ZNF18: variants seen among roughly 807,000 people sequenced by gnomAD.
The protein encoded by ZNF18 is zinc finger protein 18, also known as heart development-specific gene 1 protein.
Under a neutral mutation model 58.1 loss-of-function variants are expected in ZNF18, and 42 were observed. The observed-to-expected ratio is 0.72, with a 90% CI of 0.56 to 0.93. The LOEUF is 0.93. Ranked by LOEUF, ZNF18 falls within the 40% of genes least tolerant of loss-of-function variation. The probability of loss-of-function intolerance (pLI) is 0.00; values close to 1 mark genes in which losing one functional copy is unlikely to be tolerated. For missense variants in ZNF18, 540 were observed against 644.2 expected, an observed-to-expected ratio of 0.84 and a Z score of 1.75; for synonymous variants, 231 against 239.8, an observed-to-expected ratio of 0.96 and a Z score of 0.34.
At chr17:12,011,274 G>A in the ZNF18 span, 15 of 344,064 alleles carry the variant, frequency 4.4e-5, no homozygotes, top group East Asian at 8.0e-4. Flanking sequence ...TATTTTGAAT[G>A]AAACTTTAAA....
At chr17:12,002,863 C>T in the ZNF18 span, among the ~76,000 whole-genome samples, 1 of 152,132 alleles carries the variant, frequency 6.6e-6, no homozygotes, top group Non-Finnish European at 1.5e-5. Context: ...GGAACCTGGG[C>T]ATCAATGGAG....
chr17:11,992,487 G>A lies in ZNF18; in HGVS notation c.343C>T (p.Leu115Phe). 3.7e-6 allele frequency: 6 copies of A among 1,614,142 alleles called. No homozygotes were observed. Among genetic ancestry groups the A allele is most frequent in the Non-Finnish European group, 4.2e-6 (5 of 1,180,012 alleles). ...CPGSGEEAVT[L>F]VESLKGDPQR... ...GGGTCCCCCTTCAAGCTTTCCACAA[G>A]GGTCACTGCCTCTTCTCCACTTCCT... Residue 115 changes from leucine to phenylalanine, a missense_variant, in exon 2 of 7, where the codon CTT (leucine) becomes TTT (phenylalanine). By Grantham distance (22) the Leu-to-Phe change is conservative. Coordinates refer to ENST00000580306, the MANE Select transcript of ZNF18 (RefSeq NM_001303281.2).
At chr17:12,011,776 C>T in the ZNF18 span, among the ~76,000 whole-genome samples, 2 of 147,500 alleles carry the variant, frequency 1.4e-5, no homozygotes, top group African/African-American at 5.0e-5. Context: ...TCTTGGCTCA[C>T]TTCCACCTCT....
At chr17:12,007,907 C>G in the ZNF18 span, among the ~76,000 whole-genome samples, 1 of 151,898 alleles carries the variant, frequency 6.6e-6, no homozygotes, top group Non-Finnish European at 1.5e-5. Context: ...CTGGGGAACA[C>G]AGAGAGAGAA....
chr17:11,987,332 G>A (rs549576808), intron 4 of ZNF18, among the ~76,000 whole-genome samples: 30 of 152,202 alleles, frequency 2.0e-4, no homozygotes, highest in African/African-American at 7.0e-4. Flanking sequence ...TAGTAATACC[G>A]TATCATTATT....
At chr17:12,017,636 G>T in the ZNF18 span, among the ~76,000 whole-genome samples, 1 of 152,162 alleles carries the variant, frequency 6.6e-6, no homozygotes, top group Non-Finnish European at 1.5e-5. Context: ...CCAGCATTTT[G>T]GGAGGCTGAG....
chr17:11,982,816 ATTAT>A (rs1381927637), intron 6 of ZNF18, among the ~76,000 whole-genome samples: 2 of 152,290 alleles, frequency 1.3e-5, no homozygotes, highest in African/African-American at 2.4e-5. Context: ...TCTTAAATAA[ATTAT>A]TTATACGAAG....
chr17:11,977,864 G>T lies in ZNF18; in HGVS notation c.*93C>A. ...CCAAGAAAAAAGGAGATTAACAGGG[G>T]TATCCTCTTAGACACAATTCCTCTT... On this transcript the variant is annotated 3_prime_UTR_variant, in exon 7 of 7. Coordinates refer to ENST00000580306, the MANE Select transcript of ZNF18 (RefSeq NM_001303281.2). 5 of 1,402,408 alleles carry T rather than the reference G, an allele frequency of 3.6e-6. No individual in the cohort carries two copies. Among genetic ancestry groups the T allele is most frequent in the Non-Finnish European group, 4.8e-6 (5 of 1,033,948 alleles). 86.9% of individuals were successfully genotyped at this position (1,402,408 alleles called of 1,614,324 possible).
At chr17:11,995,922 C>CA (rs1339340776) in intron 1 of ZNF18, among the ~76,000 whole-genome samples, 1 of 151,820 alleles carries the variant, frequency 6.6e-6, no homozygotes, top group African/African-American at 2.4e-5. Flanking sequence ...AAAGCAATAC[C>CA]AAAAAACACT....
chr17:11,999,904 C>T (rs1968627007), upstream of ZNF18, among the ~76,000 whole-genome samples: 1 of 152,164 alleles, frequency 6.6e-6, no homozygotes, highest in Non-Finnish European at 1.5e-5. Context: ...TGGGAACCTC[C>T]AGGCAGAGGA....
chr17:12,003,468 A>G, the ZNF18 span, among the ~76,000 whole-genome samples: 2 of 151,438 alleles, frequency 1.3e-5, no homozygotes, highest in South Asian at 2.1e-4. Context: ...GATGTTCAAG[A>G]AGGTTCAGGT....
the ZNF18 span, chr17:12,010,915 A>C: frequency 1.8e-6 from 1 of 559,246 alleles, no homozygotes; most frequent in Non-Finnish European, 3.3e-6. Flanking sequence ...TCAGGAAGCT[A>C]TCTTGGCTCT....
At chr17:11,996,421 G>A (rs1303450807) in intron 1 of ZNF18, among the ~76,000 whole-genome samples, 2 of 151,998 alleles carry the variant, frequency 1.3e-5, no homozygotes, top group Non-Finnish European at 2.9e-5. Context: ...ATATTTAAGA[G>A]AAATGACATT....
chr17:12,010,995 T>G, the ZNF18 span: 1 of 740,882 alleles, frequency 1.3e-6, no homozygotes, highest in East Asian at 2.5e-5. Flanking sequence ...ACTTGTTTGT[T>G]TACAACAAAT....
chr17:11,998,822 CTTTTTTTTTT>C (rs71142260), upstream of ZNF18, among the ~76,000 whole-genome samples: 19 of 108,532 alleles, frequency 1.8e-4, no homozygotes, highest in Admixed American at 5.1e-4. Flanking sequence ...AGTTTCTAGT[CTTTTTTTTTT>C]TTTTTTTTTT....
rs1257486464 is a variant in ZNF18, at chr17:11,992,924, T to C, written c.-82-13A>G. 5.8e-6 allele frequency: 8 copies of C among 1,368,634 alleles called. No individual in the cohort carries two copies. In the South Asian group the frequency reaches 7.1e-5, roughly 12 times the overall value. 84.8% of individuals were successfully genotyped at this position (1,368,634 alleles called of 1,614,324 possible). A position where few individuals can be genotyped will look rare whatever the true frequency, so the allele number is the denominator to read the frequency against. ...CTTCACCAGGACACTAAAAAGGGAATGAGATTGAGTGCTACACAGAGGAAG... is the reference window on the plus strand; with the variant it reads ...CTTCACCAGGACACTAAAAAGGGAACGAGATTGAGTGCTACACAGAGGAAG... On this transcript the variant is annotated splice_polypyrimidine_tract_variant and intron_variant, in intron 1 of 6. Transcript: ENST00000580306.
intron 2 of ZNF18, among the ~76,000 whole-genome samples, chr17:11,991,695 C>G (rs954975683): frequency 2.6e-5 from 4 of 152,144 alleles, no homozygotes; most frequent in Non-Finnish European, 5.9e-5. Context: ...TCATAAGGAG[C>G]CCTTCTCAAC....
the ZNF18 span, among the ~76,000 whole-genome samples, chr17:12,012,793 G>T: frequency 1.3e-5 from 2 of 151,970 alleles, no homozygotes; most frequent in Admixed American, 1.3e-4. Context: ...CTCCTGCCTT[G>T]GTCTCCCAAA....
chr17:11,982,929 G>A (rs1289006957), intron 6 of ZNF18, among the ~76,000 whole-genome samples: 2 of 152,028 alleles, frequency 1.3e-5, no homozygotes, highest in Non-Finnish European at 2.9e-5. Context: ...CTAACTTCTT[G>A]CTAGGAAGGG....
Sources: allele counts gnomAD v4.1 joint callset (sites outside exome capture counted in the v4.1 genomes callset), GRCh38; gene constraint gnomAD v4.1.1; transcripts MANE v1.5; gene names NCBI Gene and HGNC (gene_info 2026-07-23, HGNC 2026-07-21).